Variants in ACSF3 observed in about 807,000 individuals in gnomAD.
ACSF3 encodes malonate--CoA ligase ACSF3, mitochondrial.
ACSF3 carries 78 observed loss-of-function variants against 53.2 expected under a neutral mutation model. That is an observed-to-expected ratio of 1.47 (90% CI 1.22 to 1.77). The LOEUF (loss-of-function observed/expected upper bound fraction) is 1.77. Among genes scored for constraint, ACSF3 ranks in the 40% most tolerant of loss-of-function variants. The pLI is 0.00. For missense variants in ACSF3, 937 were observed against 771.1 expected (o/e 1.22, Z -2.55); for synonymous variants, 414 against 333.1 (o/e 1.24, Z -2.65).
At chr16:89,135,519 C>T (rs1410882122) in intron 8 of ACSF3, among the ~76,000 whole-genome samples, 4 of 152,268 alleles carry the variant, frequency 2.6e-5, no homozygotes, top group Admixed American at 6.5e-5. Context: ...TGGACATCAG[C>T]AGAGGACCCA....
chr16:89,115,692 G>T (rs1159952555), intron 6 of ACSF3, among the ~76,000 whole-genome samples: 1 of 152,336 alleles, frequency 6.6e-6, no homozygotes, highest in Non-Finnish European at 1.5e-5. Flanking sequence ...TCTCCAGAGC[G>T]GCTACACCAT....
chr16:89,112,376 C>A (rs1025762721), intron 5 of ACSF3, 130 bp downstream of exon 5: 3 of 1,187,692 alleles, frequency 2.5e-6, no homozygotes, highest in Non-Finnish European at 3.7e-6. Context: ...TGTTCCCTCT[C>A]TCTCTACCCG....
chr16:89,143,099 C>T (rs572725611), intron 8 of ACSF3, among the ~76,000 whole-genome samples: 11 of 152,174 alleles, frequency 7.2e-5, no homozygotes, highest in African/African-American at 2.4e-4. Flanking sequence ...AAAAAAGATT[C>T]GCAGGAAATT....
At chr16:89,140,946 C>A in intron 8 of ACSF3, 1 of 639,644 alleles carries the variant, frequency 1.6e-6, no homozygotes, top group Non-Finnish European at 2.3e-6. Context: ...ATGAACACAT[C>A]AGGCCGAGGA....
intron 1 of ACSF3, among the ~76,000 whole-genome samples, chr16:89,095,882 C>T (rs1974553793): frequency 6.6e-6 from 1 of 152,222 alleles, no homozygotes; most frequent in South Asian, 2.1e-4. Context: ...GAAATGAGGA[C>T]AAAGGCAGCA....
rs9940965 is a variant in ACSF3 at position 89,114,256 on chromosome 16, C to G, written c.978-83C>G. On this transcript the variant is annotated intron_variant, in intron 5 of 10. Coordinates refer to ENST00000614302, the MANE Select transcript of ACSF3 (RefSeq NM_001243279.3). The stretch of plus-strand genomic sequence containing the variant: ...TGCCACTTTTGCAAGCAAGGGCCGC[C>G]TCCTGAGGGGCTAAACCTGCCACCT... 1,438,042 of 1,597,324 alleles carry G rather than the reference C, an allele frequency of 0.9. 650,817 individuals are homozygous for G. Among genetic ancestry groups the G allele is most frequent in the Admixed American group, 0.94 (56,178 of 59,772 alleles).
In ACSF3 at chr16:89,147,191, T is replaced by G. The variant is rs761697804; in HGVS notation, c.1613+1142T>G. Among the ~76,000 whole-genome samples the G allele has an allele frequency of 3.5e-3, 60 of 17,366 alleles. 1 individual carries two copies. The highest frequency in any genetic ancestry group is 5.6e-3 in the Non-Finnish European group (46 of 8,248). The allele number at this position is 17,366 out of a possible 152,430, so 11.4% of individuals were successfully genotyped here. ...GGAGGGTCCACAGAGGGAGGGAGGG[T>G]CCACAGAGTGAGTGAGAGAGGAGGG... On this transcript the variant is annotated intron_variant, in intron 10 of 10. Coordinates refer to ENST00000614302, the MANE Select transcript of ACSF3 (RefSeq NM_001243279.3).
At chr16:89,124,781 A>G (rs925385605) in intron 7 of ACSF3, among the ~76,000 whole-genome samples, 4 of 81,486 alleles carry the variant, frequency 4.9e-5, no homozygotes, top group Non-Finnish European at 1.2e-4. Flanking sequence ...ACCTGTGCGC[A>G]CACTGCATGT....
chr16:89,109,551 A>G (rs918023682), intron 4 of ACSF3, among the ~76,000 whole-genome samples: 11 of 151,288 alleles, frequency 7.3e-5, no homozygotes, highest in African/African-American at 2.7e-4. Flanking sequence ...AGCTGGGATT[A>G]CAGGCGCACA....
In ACSF3 at chr16:89,102,747, C is replaced by T. The variant is rs143501853; in HGVS notation, c.810C>T (p.Phe270=). The part of the protein sequence containing the change: ...VGATCVMMPE[F]SPQQVWEKFL... ...CCACCTGTGTGATGATGCCTGAGTT[C>T]AGCCCTCAGCAGGTGAGTTGGGGTC... The change falls in exon 4 of 11, where the codon TTC becomes TTT. Residue 270 remains phenylalanine, a synonymous_variant. Coordinates refer to ENST00000614302, the MANE Select transcript of ACSF3 (RefSeq NM_001243279.3). 5.0e-6 allele frequency: 8 copies of T among 1,612,598 alleles called. No individual in the cohort carries two copies. The highest frequency in any genetic ancestry group is 1.6e-4 in the Middle Eastern group (1 of 6,084).
intron 10 of ACSF3, chr16:89,149,329 A>G (rs778657255): frequency 1.3e-5 from 2 of 152,238 alleles, no homozygotes; most frequent in Non-Finnish European, 2.9e-5. Context: ...TCTTAACAGC[A>G]GTGCCCCACT....
At chr16:89,122,404 C>T (rs1430424935) in intron 7 of ACSF3, 1 of 452,166 alleles carries the variant, frequency 2.2e-6, no homozygotes, top group South Asian at 1.6e-5. Context: ...TCCTGACATG[C>T]CTCTCCTGGG....
intron 7 of ACSF3, among the ~76,000 whole-genome samples, chr16:89,132,179 T>C (rs1909474626): frequency 6.6e-6 from 1 of 152,256 alleles, no homozygotes; most frequent in African/African-American, 2.4e-5. Flanking sequence ...CCCTGGCCCC[T>C]GGTTTTCTGA....
At chr16:89,106,553 A>C (rs796467234) in intron 4 of ACSF3, among the ~76,000 whole-genome samples, 3 of 152,304 alleles carry the variant, frequency 2.0e-5, no homozygotes, top group African/African-American at 7.2e-5. Context: ...CAGCCTCCCA[A>C]AGTGCTGGGA....
chr16:89,120,900 A>AGC lies in ACSF3; in HGVS notation c.1227_1228insCG (p.Thr412GlyfsTer4). On this transcript the variant is annotated frameshift_variant, in exon 7 of 11. Coordinates refer to ENST00000614302, the MANE Select transcript of ACSF3 (RefSeq NM_001243279.3). LOFTEE classifies it high-confidence loss of function. ...TACACCATCCACGCAGAGGGAGACG[A>AGC]GAGGGGGACCAAGGTAAGCCACTCT... The AGC allele has an allele frequency of 6.2e-7, 1 of 1,613,902 alleles. No homozygotes were observed. The highest frequency in any genetic ancestry group is 8.5e-7 in the Non-Finnish European group (1 of 1,179,948).
At position 89,133,133 on chromosome 16, in the gene ACSF3, C is replaced by G. The variant is rs748712754; in HGVS notation, c.1240-3C>G. 2 of 1,613,700 alleles carry G rather than the reference C, an allele frequency of 1.2e-6. No individual in the cohort carries two copies. Among genetic ancestry groups the G allele is most frequent in the East Asian group, 2.2e-5 (1 of 44,886 alleles). On this transcript the variant is annotated splice_polypyrimidine_tract_variant and splice_region_variant and intron_variant, in intron 7 of 10. Coordinates refer to ENST00000614302, the MANE Select transcript of ACSF3 (RefSeq NM_001243279.3). ...TGACCTCCATGTTCTTCATCCTCCA[C>G]AGGTGACCCCAGGGTTTGAAGAAAA... is the stretch of plus-strand genomic sequence containing the variant.
chr16:89,117,589 C>G lies in ACSF3; in HGVS notation c.1126+3102C>G, dbSNP rs142824181. On this transcript the variant is annotated intron_variant, in intron 6 of 10. Transcript: ENST00000614302. ...GATGTCAGGAGCAGCCCAGGGACCA[C>G]TGTCTACACTGAGAGCGTCAGGAGC... Among the ~76,000 whole-genome samples the G allele has an allele frequency of 5.8e-3, 882 of 151,798 alleles. 9 individuals are homozygous for G. The highest frequency in any genetic ancestry group is 8.5e-3 in the Non-Finnish European group (575 of 67,870).
intron 8 of ACSF3, chr16:89,136,590 C>T: frequency 7.8e-7 from 1 of 1,284,366 alleles, no homozygotes; most frequent in Non-Finnish European, 1.0e-6. Context: ...CCGGCGGGCA[C>T]AGGGGACAGC....
chr16:89,128,534 A>G (rs1177510847), intron 7 of ACSF3, among the ~76,000 whole-genome samples: 1 of 152,208 alleles, frequency 6.6e-6, no homozygotes, highest in African/African-American at 2.4e-5. Flanking sequence ...TGCTGAGATT[A>G]CAGGCATGAG....
Sources: gnomAD v4.1 joint callset for allele counts (sites outside exome capture counted in the v4.1 genomes callset) on GRCh38, gnomAD v4.1.1 for gene constraint, MANE v1.5 for transcripts, NCBI Gene and HGNC (gene_info 2026-07-23, HGNC 2026-07-21) for gene names.